Variants in ARID2 observed in about 807,000 individuals in gnomAD.
ARID2 encodes the protein AT-rich interactive domain-containing protein 2.
In ARID2, 32 loss-of-function variants were observed where a neutral mutation model predicts 184.6. The ratio of observed to expected loss-of-function variants is 0.17; its 90% CI spans 0.13 to 0.23. The LOEUF (loss-of-function observed/expected upper bound fraction) is 0.23. Ranked by LOEUF, ARID2 falls within the 10% of genes least tolerant of loss-of-function variation. The probability of loss-of-function intolerance (pLI) is 1.00; values close to 1 mark genes in which losing one functional copy is unlikely to be tolerated. For synonymous variants in ARID2, 836 were observed against 772.6 expected (o/e 1.08, Z -1.36); for missense variants, 1,696 against 2,197.6 (o/e 0.77, Z 4.56).
At chr12:45,805,964 A>G (rs1363409192) in intron 3 of ARID2, among the ~76,000 whole-genome samples, 2 of 151,842 alleles carry the variant, frequency 1.3e-5, no homozygotes, top group Non-Finnish European at 2.9e-5. Context: ...GTTTCTAACC[A>G]TTTCTTAATT....
Position 45,852,774 on chromosome 12 carries a change from G to T in ARID2, c.4651G>T (p.Ala1551Ser). 1.9e-6 allele frequency: 3 copies of T among 1,614,094 alleles called. No homozygotes were observed. In the South Asian group the frequency reaches 3.3e-5, roughly 18 times the overall value. ...ISDPNNAGCSATMVAVPAGAD... is the reference protein window; with the variant it reads ...ISDPNNAGCSSTMVAVPAGAD... Reference sequence around the variant, plus strand: ...TGACCCCAACAATGCTGGCTGCAGCGCAACAATGGTTGCTGTGCCAGCAGG... The same window carrying T: ...TGACCCCAACAATGCTGGCTGCAGCTCAACAATGGTTGCTGTGCCAGCAGG... Residue 1551 changes from alanine (A) to serine (S), a missense_variant, in exon 15 of 21, where the codon GCA (alanine) becomes TCA (serine). By Grantham distance (99) the Ala-to-Ser change is moderately conservative. Around this residue, in one of 11 missense-constraint regions of ARID2, gnomAD observed 111 missense variants for 154.0 expected, o/e 0.72. Coordinates refer to ENST00000334344, the MANE Select transcript of ARID2 (RefSeq NM_152641.4).
At chr12:45,764,631 C>T (rs1941739829) in intron 3 of ARID2, among the ~76,000 whole-genome samples, 1 of 152,152 alleles carries the variant, frequency 6.6e-6, no homozygotes, top group Admixed American at 6.5e-5. Context: ...GCCTTTTAAG[C>T]CTGGCTTCTT....
At chr12:45,858,901 T>C (rs994416783) in intron 15 of ARID2, among the ~76,000 whole-genome samples, 5 of 152,236 alleles carry the variant, frequency 3.3e-5, no homozygotes, top group African/African-American at 1.2e-4. Flanking sequence ...ATTATAGAAA[T>C]GTCAGTCTTG....
At position 45,771,951 on chromosome 12, in the gene ARID2, T is replaced by C. The variant is rs138291311; in HGVS notation, c.285-39467T>C. On this transcript the variant is annotated intron_variant, in intron 3 of 20. Coordinates refer to ENST00000334344, the MANE Select transcript of ARID2 (RefSeq NM_152641.4). The stretch of plus-strand genomic sequence containing the variant: ...ATAACTATAACAAGTATTGTTCAGC[T>C]TATAACATTTATAGATGTATAAAAC... 1.7e-3 allele frequency among the ~76,000 whole-genome samples: 265 copies of C among 152,218 alleles called. 2 individuals carry two copies. The highest frequency in any genetic ancestry group is 6.0e-3 in the African/African-American group (248 of 41,512).
chr12:45,737,579 A>G (rs759970797), intron 3 of ARID2, among the ~76,000 whole-genome samples: 3 of 151,556 alleles, frequency 2.0e-5, no homozygotes, highest in Non-Finnish European at 4.4e-5. Flanking sequence ...TTTTCATCAT[A>G]TCATGAGGCA....
At position 45,905,799 on chromosome 12, in the gene ARID2, T is replaced by G. The variant is rs1944518840; in HGVS notation, c.*721T>G. 4.3e-6 allele frequency: 1 copy of G among 232,966 alleles called. No homozygotes were observed. The highest frequency in any genetic ancestry group is 8.5e-6 in the Non-Finnish European group (1 of 117,728). 14.4% of individuals were successfully genotyped at this position (232,966 alleles called of 1,614,324 possible). On this transcript the variant is annotated 3_prime_UTR_variant, in exon 21 of 21. Transcript: ENST00000334344. ...TGGTAGGTTCTAAAGTTTTCTAGAC[T>G]TTCCTGTCAATTGTAAGTAATTGTG...
chr12:45,794,917 CT>C (rs1239105796), intron 3 of ARID2, among the ~76,000 whole-genome samples: 1 of 152,100 alleles, frequency 6.6e-6, no homozygotes, highest in Non-Finnish European at 1.5e-5. Context: ...CATGGTAATA[CT>C]TTATGCCCCC....
intron 3 of ARID2, among the ~76,000 whole-genome samples, chr12:45,805,432 G>T (rs544349800): frequency 6.6e-6 from 1 of 152,080 alleles, no homozygotes; most frequent in African/African-American, 2.4e-5. Context: ...AAATTCAGAT[G>T]AGGAGTATTG....
At chr12:45,813,441 T>C (rs1942747691) in intron 4 of ARID2, among the ~76,000 whole-genome samples, 1 of 143,356 alleles carries the variant, frequency 7.0e-6, no homozygotes, top group Non-Finnish European at 1.5e-5. Flanking sequence ...TCCGTGTGTG[T>C]GTGCGTGCAT....
intron 3 of ARID2, among the ~76,000 whole-genome samples, chr12:45,796,485 G>T (rs1352605233): frequency 6.6e-6 from 1 of 151,272 alleles, no homozygotes; most frequent in Non-Finnish European, 1.5e-5. Flanking sequence ...GTCTTTGAAT[G>T]AATCTGTGAA....
chr12:45,905,874 C>G lies in ARID2; in HGVS notation c.*796C>G, dbSNP rs1199017036. Reference sequence around the variant, plus strand: ...GTTCTTTAAATTTGTGTAAATACTTCTGCAAAGGTACTGATGCTGTAAAGT... The same window carrying G: ...GTTCTTTAAATTTGTGTAAATACTTGTGCAAAGGTACTGATGCTGTAAAGT... On this transcript the variant is annotated 3_prime_UTR_variant, in exon 21 of 21. Coordinates refer to ENST00000334344, the MANE Select transcript of ARID2 (RefSeq NM_152641.4). 4.3e-6 allele frequency: 1 copy of G among 231,112 alleles called. No individual in the cohort carries two copies. The highest frequency in any genetic ancestry group is 6.1e-5 in the East Asian group (1 of 16,348). The allele number at this position is 231,112 out of a possible 1,614,324, so 14.3% of individuals were successfully genotyped here.
rs1944522137 is a variant in ARID2, at chr12:45,905,936, TTTTC to T, written c.*862_*865del. ...TGTGGAACTGTGATTTTTTTTTCTT[TTTTC>T]TTTTTTTTTTTCTTTTTTTTTTTGT... On this transcript the variant is annotated 3_prime_UTR_variant, in exon 21 of 21. Transcript: ENST00000334344. The T allele has an allele frequency of 9.0e-6, 2 of 222,750 alleles. No homozygotes were observed. Among genetic ancestry groups the T allele is most frequent in the Middle Eastern group, 1.3e-3 (1 of 742 alleles). The allele number at this position is 222,750 out of a possible 1,614,324, so 13.8% of individuals were successfully genotyped here.
At position 45,763,627 on chromosome 12, in the gene ARID2, T is replaced by C. The variant is rs951053913; in HGVS notation, c.284+32313T>C. ...GATCATCCCACCTCAGCCTCCTGAA[T>C]AGCTGGGACTACAAAAAAAAAAAAA... On this transcript the variant is annotated intron_variant, in intron 3 of 20. Coordinates refer to ENST00000334344, the MANE Select transcript of ARID2 (RefSeq NM_152641.4). Among the ~76,000 whole-genome samples, 7 of 151,764 alleles carry C rather than the reference T, an allele frequency of 4.6e-5. No individual in the cohort carries two copies. The East Asian group carries it at 1.2e-3, about 25-fold the overall frequency.
At chr12:45,840,790 A>G (rs928999792) in intron 11 of ARID2, 1 of 152,180 alleles carries the variant, frequency 6.6e-6, no homozygotes, top group Non-Finnish European at 1.5e-5. Flanking sequence ...TATGTACTCT[A>G]TGCAAAGTAT....
chr12:45,854,107 C>T (rs1033707069), intron 15 of ARID2, among the ~76,000 whole-genome samples: 9 of 152,118 alleles, frequency 5.9e-5, no homozygotes, highest in East Asian at 3.9e-4. Flanking sequence ...ACTGTGCATG[C>T]GAAGGATCTA....
At chr12:45,737,983 T>C (rs1039085736) in intron 3 of ARID2, among the ~76,000 whole-genome samples, 3 of 152,152 alleles carry the variant, frequency 2.0e-5, no homozygotes, top group Non-Finnish European at 4.4e-5. Flanking sequence ...TTCTAACTTA[T>C]CCTAAGTGTG....
chr12:45,757,976 T>A (rs1219147043), intron 3 of ARID2, among the ~76,000 whole-genome samples: 1 of 152,192 alleles, frequency 6.6e-6, no homozygotes, highest in Non-Finnish European at 1.5e-5. Flanking sequence ...TTCCTTTAGG[T>A]GAATATGCAA....
intron 15 of ARID2, among the ~76,000 whole-genome samples, chr12:45,853,245 A>T (rs1026717721): frequency 4.7e-4 from 72 of 152,140 alleles, no homozygotes; most frequent in African/African-American, 1.7e-3. Flanking sequence ...GGGTCCTAAG[A>T]GTACTCTAAA....
At chr12:45,778,455 G>A (rs1942029682) in intron 3 of ARID2, among the ~76,000 whole-genome samples, 1 of 152,152 alleles carries the variant, frequency 6.6e-6, no homozygotes, top group African/African-American at 2.4e-5. Flanking sequence ...ACTTAGTGCT[G>A]TTTTTGATAT....
Sources: gnomAD v4.1 joint callset for allele counts (sites outside exome capture counted in the v4.1 genomes callset) on GRCh38, gnomAD v4.1.1 for gene constraint, gnomAD v4.1.1 regional missense constraint, MANE v1.5 for transcripts, NCBI Gene and HGNC (gene_info 2026-07-23, HGNC 2026-07-21) for gene names.